The following SIPA1L3 variants were observed in gnomAD, a reference collection of about 807,000 sequenced individuals.
The protein encoded by SIPA1L3 is signal-induced proliferation-associated 1-like protein 3.
SIPA1L3 carries 59 observed loss-of-function variants against 150.1 expected under a neutral mutation model. The observed-to-expected ratio is 0.39, with a 90% confidence interval of 0.32 to 0.49. The LOEUF is 0.49. Among genes scored for constraint, SIPA1L3 ranks in the 20% least tolerant of loss-of-function variants. The probability of loss-of-function intolerance (pLI) is 0.86; values close to 1 mark genes in which losing one functional copy is unlikely to be tolerated. For missense variants in SIPA1L3, 2,211 were observed against 2,489.5 expected (o/e 0.89, Z 2.38); for synonymous variants, 1,070 against 1,077.6 (o/e 0.99, Z 0.14).
At chr19:37,924,377 A>C (rs941315301) in intron 1 of SIPA1L3, among the ~76,000 whole-genome samples, 1 of 150,672 alleles carries the variant, frequency 6.6e-6, no homozygotes, top group Non-Finnish European at 1.5e-5. Flanking sequence ...TTCTTCTGGA[A>C]TATCTCCTGA....
chr19:37,915,028 G>A (rs1315987899), intron 1 of SIPA1L3, among the ~76,000 whole-genome samples: 1 of 152,118 alleles, frequency 6.6e-6, no homozygotes, highest in Non-Finnish European at 1.5e-5. Context: ...CCAGGCAGAG[G>A]CAAATTGAGG....
chr19:38,010,250 T>C (rs527602262), intron 1 of SIPA1L3, among the ~76,000 whole-genome samples: 1 of 151,538 alleles, frequency 6.6e-6, no homozygotes, highest in Non-Finnish European at 1.5e-5. Context: ...AACATAAAAA[T>C]TTTTTAAATG....
At chr19:37,916,307 G>A (rs1568462551) in intron 1 of SIPA1L3, among the ~76,000 whole-genome samples, 3 of 151,882 alleles carry the variant, frequency 2.0e-5, no homozygotes, top group South Asian at 2.1e-4. Context: ...GATTACAGAC[G>A]TGAGCCACCG....
intron 2 of SIPA1L3, among the ~76,000 whole-genome samples, chr19:38,043,756 C>T (rs1382992383): frequency 6.6e-6 from 1 of 152,126 alleles, no homozygotes; most frequent in Non-Finnish European, 1.5e-5. Context: ...AGTGAGATAC[C>T]GTGACACACC....
chr19:37,998,023 A>G (rs1206227313), intron 1 of SIPA1L3, among the ~76,000 whole-genome samples: 1 of 152,222 alleles, frequency 6.6e-6, no homozygotes, highest in African/African-American at 2.4e-5. Context: ...TCCCAGCCCC[A>G]GCTGGTAAGA....
intron 1 of SIPA1L3, among the ~76,000 whole-genome samples, chr19:38,013,225 T>A (rs1382574799): frequency 3.3e-5 from 5 of 152,160 alleles, no homozygotes; most frequent in Non-Finnish European, 7.4e-5. Flanking sequence ...CCAAGGGCTG[T>A]AGAATAGGTG....
intron 1 of SIPA1L3, chr19:37,932,355 T>C (rs2046561896): frequency 6.6e-6 from 1 of 152,404 alleles, no homozygotes; most frequent in Non-Finnish European, 1.5e-5. Context: ...GGAGGCCTTT[T>C]CTTTCCCTCC....
chr19:38,162,210 T>C, intron 13 of SIPA1L3, 43 bp from the exon 14 acceptor site: 1 of 1,514,326 alleles, frequency 6.6e-7, no homozygotes, highest in Non-Finnish European at 9.2e-7. Context: ...GGCCCTGGCC[T>C]GAGTCACTCC....
chr19:37,922,944 C>A (rs1392155476), intron 1 of SIPA1L3, among the ~76,000 whole-genome samples: 1 of 148,704 alleles, frequency 6.7e-6, no homozygotes, highest in Non-Finnish European at 1.5e-5. Flanking sequence ...CTGGCTAATA[C>A]GGTGAAACCC....
chr19:38,178,094 TGTGTGTGTGTG>T, intron 15 of SIPA1L3, among the ~76,000 whole-genome samples: 1 of 23,842 alleles, frequency 4.2e-5, no homozygotes, highest in South Asian at 1.1e-3. Flanking sequence ...TTGGTGTGTG[TGTGTGTGTGTG>T]TGTGTGTGTG....
At chr19:38,012,220 G>A (rs1968118529) in intron 1 of SIPA1L3, among the ~76,000 whole-genome samples, 1 of 151,916 alleles carries the variant, frequency 6.6e-6, no homozygotes, top group African/African-American at 2.4e-5. Context: ...TGGATAGCTG[G>A]GACCACAGGT....
chr19:37,962,924 T>G (rs1345555196), intron 1 of SIPA1L3, among the ~76,000 whole-genome samples: 1 of 152,186 alleles, frequency 6.6e-6, no homozygotes, highest in African/African-American at 2.4e-5. Context: ...CTGAGTATCC[T>G]GGGCTAATTC....
intron 2 of SIPA1L3, among the ~76,000 whole-genome samples, chr19:38,055,037 C>T (rs529259530): frequency 5.9e-5 from 9 of 152,274 alleles, no homozygotes; most frequent in Admixed American, 3.3e-4. Context: ...GCTGCTGTGG[C>T]GTGGTTAGGC....
chr19:38,128,764 G>A (rs1971237567), intron 9 of SIPA1L3, among the ~76,000 whole-genome samples: 1 of 152,098 alleles, frequency 6.6e-6, no homozygotes, highest in Admixed American at 6.6e-5. Context: ...GGGTGTGGTG[G>A]CAGATGCCTG....
At chr19:38,108,328 T>C (rs28421402) in intron 7 of SIPA1L3, among the ~76,000 whole-genome samples, 4,195 of 152,250 alleles carry the variant, frequency 0.028, 185 homozygotes, top group African/African-American at 0.095. Context: ...TCCATCACTA[T>C]GTGACTTAGG....
intron 10 of SIPA1L3, 62 bp downstream of exon 10, chr19:38,130,834 C>T: frequency 3.9e-6 from 6 of 1,526,904 alleles, no homozygotes; most frequent in Non-Finnish European, 5.3e-6. Context: ...TGGCATGAGG[C>T]CTCCCTGGCA....
chr19:37,958,871 A>G (rs1326915951), intron 1 of SIPA1L3, among the ~76,000 whole-genome samples: 1 of 152,258 alleles, frequency 6.6e-6, no homozygotes, highest in Non-Finnish European at 1.5e-5. Flanking sequence ...GAACATGGGC[A>G]AAGGATTTGA....
chr19:38,136,536 G>A (rs1021538243), intron 10 of SIPA1L3, among the ~76,000 whole-genome samples: 3 of 152,126 alleles, frequency 2.0e-5, no homozygotes, highest in East Asian at 1.9e-4. Flanking sequence ...CCCGGGAGGT[G>A]GAGATTGCAG....
intron 2 of SIPA1L3, among the ~76,000 whole-genome samples, chr19:38,076,368 A>G (rs1969837830): frequency 6.6e-6 from 1 of 152,214 alleles, no homozygotes; most frequent in African/African-American, 2.4e-5. Context: ...ATAAACATGC[A>G]GAATTAAATC....
Sources: allele counts gnomAD v4.1 joint callset (sites outside exome capture counted in the v4.1 genomes callset), GRCh38; gene constraint gnomAD v4.1.1; transcripts MANE v1.5; gene names NCBI Gene and HGNC (gene_info 2026-07-23, HGNC 2026-07-21).